The following TAOK1 variants were observed in gnomAD, a reference collection of about 807,000 sequenced individuals.
TAOK1 encodes TAO kinase 1.
TAOK1 carries 21 observed loss-of-function variants against 138.3 expected under a neutral mutation model. The observed-to-expected ratio is 0.15, with a 90% CI of 0.11 to 0.22. The LOEUF is 0.22. TAOK1 is among the 10% of genes least tolerant of loss of function. TAOK1 has a pLI of 1.00. For synonymous variants in TAOK1, 361 were observed against 398.4 expected (o/e 0.91, Z 1.12); for missense variants, 651 against 1,227.7 (o/e 0.53, Z 7.02).
At chr17:29,518,437 A>T (rs1295931475) in intron 16 of TAOK1, among the ~76,000 whole-genome samples, 1 of 152,236 alleles carries the variant, frequency 6.6e-6, no homozygotes, top group Non-Finnish European at 1.5e-5. Flanking sequence ...GTGAGCCATG[A>T]TCATGCCACT....
chr17:29,504,165 T>C (rs2031582438), intron 13 of TAOK1, among the ~76,000 whole-genome samples: 1 of 138,118 alleles, frequency 7.2e-6, no homozygotes, highest in Non-Finnish European at 1.5e-5. Context: ...TAGTCCCATA[T>C]ACTTGGGAGA....
chr17:29,494,469 T>C (rs1245988594), intron 10 of TAOK1, among the ~76,000 whole-genome samples: 1 of 151,910 alleles, frequency 6.6e-6, no homozygotes, highest in African/African-American at 2.4e-5. Context: ...TGATTCATAG[T>C]TACAACTCTT....
At chr17:29,408,155 G>A (rs1251238199) in intron 1 of TAOK1, among the ~76,000 whole-genome samples, 2 of 151,574 alleles carry the variant, frequency 1.3e-5, no homozygotes, top group Non-Finnish European at 2.9e-5. Flanking sequence ...GAGCTCAAGT[G>A]ATACTCCTGC....
chr17:29,459,711 G>A (rs1379775004), intron 2 of TAOK1, among the ~76,000 whole-genome samples: 1 of 152,196 alleles, frequency 6.6e-6, no homozygotes, highest in Non-Finnish European at 1.5e-5. Flanking sequence ...ATAAACATGA[G>A]AGTGCAGATA....
At chr17:29,461,816 C>T (rs1038960730) in intron 2 of TAOK1, among the ~76,000 whole-genome samples, 1 of 151,790 alleles carries the variant, frequency 6.6e-6, no homozygotes, top group African/African-American at 2.4e-5. Flanking sequence ...AGGACCATCC[C>T]AGAAACAATT....
At chr17:29,518,326 T>C (rs1033479451) in intron 16 of TAOK1, among the ~76,000 whole-genome samples, 2 of 152,226 alleles carry the variant, frequency 1.3e-5, no homozygotes, top group East Asian at 3.9e-4. Context: ...AATATATGTA[T>C]ACAAAAAAAT....
chr17:29,448,190 C>CT (rs1014042823), intron 1 of TAOK1, among the ~76,000 whole-genome samples: 1 of 151,138 alleles, frequency 6.6e-6, no homozygotes, highest in East Asian at 1.9e-4. Context: ...CGTATAGTTT[C>CT]TTTTTTTTAT....
chr17:29,423,453 A>G (rs181791675), intron 1 of TAOK1, among the ~76,000 whole-genome samples: 5,582 of 151,530 alleles, frequency 0.037, 359 homozygotes, highest in African/African-American at 0.13. Flanking sequence ...TCCTGACCTC[A>G]TGATCCACCT....
intron 3 of TAOK1, among the ~76,000 whole-genome samples, chr17:29,467,624 G>T (rs2030704002): frequency 6.6e-6 from 1 of 151,998 alleles, no homozygotes; most frequent in African/African-American, 2.4e-5. Context: ...TTTAACTGGG[G>T]AGGAAGGGTG....
chr17:29,496,021 G>A lies in TAOK1; in HGVS notation c.999+294G>A, dbSNP rs967809269. Among the ~76,000 whole-genome samples the A allele has an allele frequency of 5.9e-5, 9 of 152,026 alleles. No homozygotes were observed. In the South Asian group the frequency reaches 8.3e-4, roughly 14 times the overall value. Reference sequence around the variant, plus strand: ...TAATGAAGGTTCTGAGAAGTCCTTCGTTAAAGAAACTTGTTCATCTTTGTT... The same window carrying A: ...TAATGAAGGTTCTGAGAAGTCCTTCATTAAAGAAACTTGTTCATCTTTGTT... On this transcript the variant is annotated intron_variant, in intron 11 of 19. Coordinates refer to ENST00000261716, the MANE Select transcript of TAOK1 (RefSeq NM_020791.4).
At chr17:29,447,038 CTT>C (rs879753236) in intron 1 of TAOK1, among the ~76,000 whole-genome samples, 54 of 131,344 alleles carry the variant, frequency 4.1e-4, no homozygotes, top group Admixed American at 6.9e-4. Flanking sequence ...CTGTGGCTGG[CTT>C]TTTTTTTTTT....
intron 3 of TAOK1, 91 bp from the exon 4 acceptor site, chr17:29,475,579 A>T (rs1598497371): frequency 2.3e-6 from 2 of 858,462 alleles, no homozygotes; most frequent in East Asian, 2.8e-5. Context: ...GTTCTTGTTA[A>T]CTCTTCTAAA....
At chr17:29,531,743 A>G (rs1223495538) in intron 18 of TAOK1, among the ~76,000 whole-genome samples, 1 of 151,466 alleles carries the variant, frequency 6.6e-6, no homozygotes, top group Non-Finnish European at 1.5e-5. Context: ...AGCCTGGGCA[A>G]CAAAACGAGA....
At position 29,523,354 on chromosome 17, in the gene TAOK1, A is replaced by G. The variant is rs1021266357; in HGVS notation, c.2148+835A>G. 7.9e-5 allele frequency among the ~76,000 whole-genome samples: 12 copies of G among 151,138 alleles called. No homozygotes were observed. The South Asian group carries it at 1.0e-3, about 13-fold the overall frequency. ...GCCACCTGGTCCATCTCCCTCCATC[A>G]AAGTCAACTGCAGTTAACAATTCTG... On this transcript the variant is annotated intron_variant, in intron 17 of 19. Coordinates refer to ENST00000261716, the MANE Select transcript of TAOK1 (RefSeq NM_020791.4).
chr17:29,502,560 A>T (rs1419158122), intron 12 of TAOK1, 29 bp from the exon 13 acceptor site: 7 of 1,591,114 alleles, frequency 4.4e-6, no homozygotes, highest in Non-Finnish European at 6.0e-6. Flanking sequence ...TTCACCTTAC[A>T]TAATATTGTC....
At position 29,529,407 on chromosome 17, in the gene TAOK1, T is replaced by C. The variant is rs968939179; in HGVS notation, c.2149-1000T>C. ...GAGTTTGGAACCAGCCTGGGCAACA[T>C]AGGGAAACTCCATCACTAACAACAA... On this transcript the variant is annotated intron_variant, in intron 17 of 19. Transcript: ENST00000261716. Among the ~76,000 whole-genome samples the C allele has an allele frequency of 9.9e-5, 15 of 151,696 alleles. No individual in the cohort carries two copies. In the South Asian group the frequency reaches 1.7e-3, roughly 17 times the overall value.
intron 10 of TAOK1, among the ~76,000 whole-genome samples, chr17:29,492,738 G>GC (rs1373993124): frequency 1.3e-5 from 2 of 152,176 alleles, no homozygotes; most frequent in Admixed American, 1.3e-4. Context: ...GTAGTGGTGA[G>GC]CCGAGATTGC....
At position 29,549,120 on chromosome 17, in the gene TAOK1, A is replaced by G. The variant is rs2032449007; in HGVS notation, c.*6098A>G. ...ACTGTTTATTGGGCTCTTTAACTGA[A>G]TTTTCAAATGAAATGAACTATGCTT... On this transcript the variant is annotated 3_prime_UTR_variant, in exon 20 of 20. Coordinates refer to ENST00000261716, the MANE Select transcript of TAOK1 (RefSeq NM_020791.4). 6.6e-6 allele frequency: 1 copy of G among 152,078 alleles called. No homozygotes were observed. Among genetic ancestry groups the G allele is most frequent in the Non-Finnish European group, 1.5e-5 (1 of 67,990 alleles). The allele number at this position is 152,078 out of a possible 1,614,324, so 9.4% of individuals were successfully genotyped here.
intron 16 of TAOK1, among the ~76,000 whole-genome samples, chr17:29,519,350 T>C (rs2031875890): frequency 6.6e-6 from 1 of 151,768 alleles, no homozygotes; most frequent in African/African-American, 2.4e-5. Flanking sequence ...ATCTCTACTT[T>C]TAGTAGAGAT....
Sources: allele counts gnomAD v4.1 joint callset (sites outside exome capture counted in the v4.1 genomes callset), GRCh38; gene constraint gnomAD v4.1.1; transcripts MANE v1.5; gene names NCBI Gene and HGNC (gene_info 2026-07-23, HGNC 2026-07-21).